The following SIL1 variants were observed in gnomAD, a reference collection of about 807,000 sequenced individuals.
SIL1 encodes the protein nucleotide exchange factor SIL1.
In SIL1, 40 loss-of-function variants were observed where a neutral mutation model predicts 49.1. The observed-to-expected ratio is 0.81, with a 90% CI of 0.63 to 1.06. SIL1 has a LOEUF of 1.06. Ranked by LOEUF, SIL1 falls within the 50% of genes least tolerant of loss-of-function variation. The probability of loss-of-function intolerance (pLI) is 0.00; values close to 1 mark genes in which losing one functional copy is unlikely to be tolerated. For missense variants in SIL1, 500 were observed against 572.6 expected (o/e 0.87, Z 1.29); for synonymous variants, 253 against 250.8 (o/e 1.01, Z -0.08).
At chr5:139,094,929 C>T (rs766933347) in intron 3 of SIL1, among the ~76,000 whole-genome samples, 2 of 152,206 alleles carry the variant, frequency 1.3e-5, no homozygotes, top group African/African-American at 2.4e-5. Context: ...AGGTATTTTA[C>T]AGAATGTTCC....
intron 4 of SIL1, among the ~76,000 whole-genome samples, chr5:139,046,573 C>T (rs1431169458): frequency 6.6e-6 from 1 of 152,184 alleles, no homozygotes; most frequent in African/African-American, 2.4e-5. Flanking sequence ...GTCTGAAATG[C>T]CCTAACTCCT....
intron 2 of SIL1, among the ~76,000 whole-genome samples, chr5:139,124,092 G>T (rs1750708731): frequency 6.6e-6 from 1 of 151,980 alleles, no homozygotes; most frequent in African/African-American, 2.4e-5. Context: ...GTAATTTCTG[G>T]CAGGCTGTAA....
intron 3 of SIL1, among the ~76,000 whole-genome samples, chr5:139,115,229 T>C (rs1290666835): frequency 6.6e-6 from 1 of 152,216 alleles, no homozygotes; most frequent in East Asian, 1.9e-4. Flanking sequence ...CTCACTTTTA[T>C]TGCAACTGTG....
chr5:139,037,786 A>T (rs1768951677), intron 5 of SIL1, among the ~76,000 whole-genome samples: 1 of 152,190 alleles, frequency 6.6e-6, no homozygotes, highest in African/African-American at 2.4e-5. Flanking sequence ...TAGTTGTTTT[A>T]AAATTCTTGT....
At chr5:139,050,818 T>C (rs1769268155) in intron 4 of SIL1, 120 bp downstream of exon 4, 1 of 831,432 alleles carries the variant, frequency 1.2e-6, no homozygotes, top group East Asian at 2.6e-5. Flanking sequence ...TTATCACAAA[T>C]TCTATGCTAT....
At chr5:139,191,918 T>C (rs937602863) in intron 1 of SIL1, among the ~76,000 whole-genome samples, 30 of 151,128 alleles carry the variant, frequency 2.0e-4, no homozygotes, top group African/African-American at 7.3e-4. Context: ...CTACTAAAAA[T>C]ACAAAAATTA....
chr5:139,146,949 T>C (rs1443962346), intron 1 of SIL1, among the ~76,000 whole-genome samples: 1 of 152,234 alleles, frequency 6.6e-6, no homozygotes, highest in Non-Finnish European at 1.5e-5. Flanking sequence ...TCCACAAAAC[T>C]GTACTGTAAA....
intron 7 of SIL1, among the ~76,000 whole-genome samples, chr5:138,984,924 G>A (rs1466694877): frequency 6.6e-6 from 1 of 152,174 alleles, no homozygotes; most frequent in Admixed American, 6.5e-5. Context: ...CTTCACAAAG[G>A]GGACACCAGC....
intron 1 of SIL1, among the ~76,000 whole-genome samples, chr5:139,159,073 G>C (rs1751457773): frequency 6.6e-6 from 1 of 151,748 alleles, no homozygotes; most frequent in Non-Finnish European, 1.5e-5. Context: ...GGGGACAAGG[G>C]GAAAGAAAGA....
chr5:138,986,387 C>G (rs549623337), intron 7 of SIL1, among the ~76,000 whole-genome samples: 34 of 152,312 alleles, frequency 2.2e-4, no homozygotes, highest in African/African-American at 7.2e-4. Context: ...AAATCACGGA[C>G]TCTGATTGAT....
chr5:139,051,988 C>A (rs1425502587), intron 3 of SIL1, among the ~76,000 whole-genome samples: 1 of 152,192 alleles, frequency 6.6e-6, no homozygotes, highest in Non-Finnish European at 1.5e-5. Context: ...CTTCTGACAA[C>A]CTGGACTTTG....
At chr5:139,172,113 G>A (rs1437458238) in intron 1 of SIL1, among the ~76,000 whole-genome samples, 1 of 152,142 alleles carries the variant, frequency 6.6e-6, no homozygotes, top group Non-Finnish European at 1.5e-5. Flanking sequence ...AAGGGACCTA[G>A]GGGACACAAT....
chr5:138,970,747 C>T (rs529657927), intron 7 of SIL1, among the ~76,000 whole-genome samples: 1 of 152,002 alleles, frequency 6.6e-6, no homozygotes, highest in Non-Finnish European at 1.5e-5. Context: ...TATAAAAATA[C>T]AAAAATTAGC....
chr5:139,147,077 T>C (rs561002796), intron 1 of SIL1, among the ~76,000 whole-genome samples: 3 of 152,286 alleles, frequency 2.0e-5, no homozygotes, highest in South Asian at 4.1e-4. Flanking sequence ...GGTGAATAAA[T>C]GGGTGAGTGG....
At chr5:139,170,480 G>A (rs1357959340) in intron 1 of SIL1, among the ~76,000 whole-genome samples, 10 of 150,802 alleles carry the variant, frequency 6.6e-5, no homozygotes, top group African/African-American at 2.4e-4. Flanking sequence ...CTGCCCGGCC[G>A]CCCATCGTCT....
In SIL1 at chr5:139,174,937, C is replaced by CAAA. The variant is rs56959325; in HGVS notation, c.-11+23329_-11+23331dup. Among the ~76,000 whole-genome samples, 60 of 59,740 alleles carry CAAA rather than the reference C, an allele frequency of 1.0e-3. 1 individual carries two copies. Among genetic ancestry groups the CAAA allele is most frequent in the Non-Finnish European group, 1.4e-3 (48 of 34,336 alleles). The allele number at this position is 59,740 out of a possible 152,430, so 39.2% of individuals were successfully genotyped here. ...TGGATGACAGAGTAAGACTGTGTCTCAAAAAAAAAAAAAAAAAAAAAAAGA... is the reference window on the plus strand; with the variant it reads ...TGGATGACAGAGTAAGACTGTGTCTCAAAAAAAAAAAAAAAAAAAAAAAAAAGA... On this transcript the variant is annotated intron_variant, in intron 1 of 9. Transcript: ENST00000394817.
chr5:139,179,503 T>C (rs1019225082), intron 1 of SIL1, among the ~76,000 whole-genome samples: 5 of 152,144 alleles, frequency 3.3e-5, no homozygotes, highest in African/African-American at 4.8e-5. Flanking sequence ...AAGCTCTAAT[T>C]AAGGCCATTT....
chr5:139,179,082 G>A (rs1231282710), intron 1 of SIL1, among the ~76,000 whole-genome samples: 1 of 152,122 alleles, frequency 6.6e-6, no homozygotes, highest in Admixed American at 6.6e-5. Flanking sequence ...TGATAAGCTG[G>A]CCTACAGCCA....
Position 139,021,060 on chromosome 5 carries a change from T to C in SIL1, c.767+111A>G, listed in dbSNP as rs1011769445. 8 of 1,475,630 alleles carry C rather than the reference T, an allele frequency of 5.4e-6. No homozygotes were observed. The African/African-American group carries it at 5.5e-5, about 10-fold the overall frequency. The allele number at this position is 1,475,630 out of a possible 1,614,324, so 91.4% of individuals were successfully genotyped here. On this transcript the variant is annotated intron_variant, in intron 7 of 9. Coordinates refer to ENST00000394817, the MANE Select transcript of SIL1 (RefSeq NM_022464.5). ...AGAATCAAATTTTACTCTAGTTTCA[T>C]TGAGATGACACTGAAATGTCAGTAG...
Sources: allele counts gnomAD v4.1 joint callset (sites outside exome capture counted in the v4.1 genomes callset), GRCh38; gene constraint gnomAD v4.1.1; transcripts MANE v1.5; gene names NCBI Gene and HGNC (gene_info 2026-07-23, HGNC 2026-07-21).